The following CUL3 variants were observed in gnomAD, a reference collection of about 807,000 sequenced individuals.
CUL3 encodes the protein cullin-3.
In CUL3, 19 loss-of-function variants were observed where a neutral mutation model predicts 89.1. That is an observed-to-expected ratio of 0.21 (90% CI 0.15 to 0.31). The LOEUF is 0.31. Ranked by LOEUF, CUL3 falls within the 10% of genes least tolerant of loss-of-function variation. The pLI, the probability that CUL3 is intolerant of heterozygous loss-of-function variation, is 1.00. For synonymous variants in CUL3, 351 were observed against 308.4 expected (o/e 1.14, Z -1.45); for missense variants, 469 against 942.3 (o/e 0.50, Z 6.58).
chr2:224,581,565 C>T (rs1574712161), intron 1 of CUL3, among the ~76,000 whole-genome samples: 2 of 149,644 alleles, frequency 1.3e-5, no homozygotes, highest in Admixed American at 6.7e-5. Context: ...TGCAGTGGCA[C>T]GATCTTGGCT....
rs547312988 is a variant in CUL3 at position 224,567,597 on chromosome 2, G to A, written c.67-9741C>T. Among the ~76,000 whole-genome samples, 11 of 152,120 alleles carry A rather than the reference G, an allele frequency of 7.2e-5. No homozygotes were observed. In the East Asian group the frequency reaches 1.2e-3, roughly 16 times the overall value. On this transcript the variant is annotated intron_variant, in intron 1 of 15. Coordinates refer to ENST00000264414, the MANE Select transcript of CUL3 (RefSeq NM_003590.5). ...TACTAAAAATACAAAAAAATTAGCC[G>A]GGTGTGGTGGTGGGCGCCTGTCGTC... is the stretch of plus-strand genomic sequence containing the variant.
At chr2:224,504,973 C>T (rs1190710349) in intron 8 of CUL3, among the ~76,000 whole-genome samples, 1 of 152,018 alleles carries the variant, frequency 6.6e-6, no homozygotes, top group African/African-American at 2.4e-5. Context: ...CTATCTATGC[C>T]TTAATATTCT....
chr2:224,482,734 AG>A (rs1321664642), intron 13 of CUL3, among the ~76,000 whole-genome samples: 2 of 152,234 alleles, frequency 1.3e-5, no homozygotes, highest in Non-Finnish European at 2.9e-5. Flanking sequence ...AAAGCAGCTC[AG>A]GAAAGAATGC....
Position 224,585,086 on chromosome 2 carries a change from GGCTAGGGGCGAC to G in CUL3, c.-89_-78del. The G allele has an allele frequency of 8.2e-7, 1 of 1,225,766 alleles. No homozygotes were observed. Among genetic ancestry groups the G allele is most frequent in the Non-Finnish European group, 1.1e-6 (1 of 919,456 alleles). The allele number at this position is 1,225,766 out of a possible 1,614,324, so 75.9% of individuals were successfully genotyped here. ...GTGTCACATTTAAGGCGGGCAGGCA[GGCTAGGGGCGAC>G]GCTGGGGGCGGCGGCGGCGCGACCC... On this transcript the variant is annotated 5_prime_UTR_variant, in exon 1 of 16. Coordinates refer to ENST00000264414, the MANE Select transcript of CUL3 (RefSeq NM_003590.5).
At chr2:224,534,236 G>A (rs1018214322) in intron 3 of CUL3, among the ~76,000 whole-genome samples, 5 of 152,134 alleles carry the variant, frequency 3.3e-5, no homozygotes, top group Non-Finnish European at 7.4e-5. Flanking sequence ...TTAAACAGCT[G>A]AGATCAAAGT....
intron 1 of CUL3, among the ~76,000 whole-genome samples, chr2:224,582,315 A>G (rs973496100): frequency 6.6e-6 from 1 of 152,174 alleles, no homozygotes; most frequent in Non-Finnish European, 1.5e-5. Flanking sequence ...TTGACTAGCA[A>G]CTCACGCAGT....
At chr2:224,507,859 T>C (rs1240234222) in intron 6 of CUL3, among the ~76,000 whole-genome samples, 1 of 152,162 alleles carries the variant, frequency 6.6e-6, no homozygotes, top group Non-Finnish European at 1.5e-5. Flanking sequence ...TTTTAAAAGT[T>C]TTACAATCAA....
intron 1 of CUL3, among the ~76,000 whole-genome samples, chr2:224,580,119 TAA>T (rs577191596): frequency 6.6e-6 from 1 of 152,204 alleles, no homozygotes; most frequent in Admixed American, 6.5e-5. Context: ...CTGCTTTCTT[TAA>T]AAAGTTTTGT....
intron 3 of CUL3, among the ~76,000 whole-genome samples, chr2:224,516,088 C>A (rs1232559637): frequency 6.6e-6 from 1 of 152,166 alleles, no homozygotes; most frequent in Admixed American, 6.5e-5. Context: ...GATGGTTTAA[C>A]ACCTAATAAC....
chr2:224,577,040 G>C (rs897693394), intron 1 of CUL3, among the ~76,000 whole-genome samples: 1 of 152,182 alleles, frequency 6.6e-6, no homozygotes, highest in African/African-American at 2.4e-5. Flanking sequence ...AAAATGACAG[G>C]ATCGCTAAAA....
intron 3 of CUL3, among the ~76,000 whole-genome samples, chr2:224,517,878 T>C (rs1180681409): frequency 2.0e-5 from 3 of 152,208 alleles, no homozygotes; most frequent in Non-Finnish European, 2.9e-5. Flanking sequence ...TTTGCTTTTA[T>C]GAAGTCTTTC....
chr2:224,575,700 T>C (rs1695282943), intron 1 of CUL3, among the ~76,000 whole-genome samples: 1 of 152,240 alleles, frequency 6.6e-6, no homozygotes, highest in African/African-American at 2.4e-5. Context: ...TCATCATTTT[T>C]TCCTTTTTGC....
intron 14 of CUL3, chr2:224,478,772 A>T (rs1691421485): frequency 6.3e-6 from 1 of 159,516 alleles, no homozygotes; most frequent in South Asian, 1.8e-4. Context: ...CTCAAAATGT[A>T]GCTGTAATCT....
chr2:224,568,329 C>T (rs1695096614), intron 1 of CUL3, among the ~76,000 whole-genome samples: 1 of 152,226 alleles, frequency 6.6e-6, no homozygotes, highest in Admixed American at 6.5e-5. Flanking sequence ...ACCATCACTA[C>T]ACTCCCATGT....
intron 12 of CUL3, 117 bp from the exon 13 acceptor site, chr2:224,496,083 T>G (rs895174043): frequency 8.9e-7 from 1 of 1,125,514 alleles, no homozygotes; most frequent in East Asian, 2.5e-5. Flanking sequence ...CAGGCTACAG[T>G]GCAGTGGCGC....
intron 12 of CUL3, 149 bp from the exon 13 acceptor site, chr2:224,496,115 C>T: frequency 1.3e-6 from 1 of 759,798 alleles, no homozygotes; most frequent in Non-Finnish European, 2.1e-6. Context: ...ACTGCAGCCT[C>T]AACCTCCTGG....
chr2:224,584,495 C>A (rs1239592376), intron 1 of CUL3, among the ~76,000 whole-genome samples: 1 of 152,060 alleles, frequency 6.6e-6, no homozygotes, highest in African/African-American at 2.4e-5. Context: ...AGGGCAGCCC[C>A]TTCATCACCC....
intron 1 of CUL3, chr2:224,560,382 T>C (rs1574696910): frequency 6.6e-6 from 1 of 152,412 alleles, no homozygotes; most frequent in East Asian, 1.9e-4. Context: ...CAGAGTCATA[T>C]ATCCAGCTAC....
chr2:224,496,014 G>C, intron 12 of CUL3, 48 bp from the exon 13 acceptor site: 1 of 1,592,328 alleles, frequency 6.3e-7, no homozygotes, highest in South Asian at 1.1e-5. Flanking sequence ...TCATTTCCTG[G>C]TAACATTAAT....
Sources: allele counts gnomAD v4.1 joint callset (sites outside exome capture counted in the v4.1 genomes callset), GRCh38; gene constraint gnomAD v4.1.1; transcripts MANE v1.5; gene names NCBI Gene and HGNC (gene_info 2026-07-23, HGNC 2026-07-21).